Variants in CCDC88A observed in about 807,000 individuals in gnomAD.
CCDC88A encodes girdin.
A neutral mutation model predicts 234.3 loss-of-function variants in CCDC88A; 54 were observed. The ratio of observed to expected loss-of-function variants is 0.23; its 90% CI spans 0.19 to 0.29. CCDC88A has a LOEUF of 0.29. Ranked by LOEUF, CCDC88A falls within the 10% of genes least tolerant of loss-of-function variation. The probability of loss-of-function intolerance (pLI) is 1.00; values close to 1 mark genes in which losing one functional copy is unlikely to be tolerated. For missense variants in CCDC88A, 1,832 were observed against 2,123.4 expected, an observed-to-expected ratio of 0.86 and a Z score of 2.70; for synonymous variants, 753 against 737.8, an observed-to-expected ratio of 1.02 and a Z score of -0.33.
intron 2 of CCDC88A, among the ~76,000 whole-genome samples, chr2:55,408,348 G>A (rs1003011292): frequency 6.6e-6 from 1 of 152,016 alleles, no homozygotes; most frequent in African/African-American, 2.4e-5. Context: ...TCTCGAATAG[G>A]GGCTAGGTAA....
intron 9 of CCDC88A, 150 bp downstream of exon 9, chr2:55,349,368 G>A (rs1239496909): frequency 6.6e-6 from 4 of 604,454 alleles, no homozygotes; most frequent in East Asian, 3.0e-5. Flanking sequence ...TTTGAAGAGA[G>A]AGACTCTGAA....
At chr2:55,371,774 C>A (rs1035631431) in intron 5 of CCDC88A, among the ~76,000 whole-genome samples, 4 of 101,702 alleles carry the variant, frequency 3.9e-5, no homozygotes, top group Non-Finnish European at 8.5e-5. Flanking sequence ...GCATGAGCCA[C>A]CACGCCTAGC....
chr2:55,348,207 C>T (rs548342370), intron 9 of CCDC88A, among the ~76,000 whole-genome samples: 3 of 152,286 alleles, frequency 2.0e-5, no homozygotes, highest in African/African-American at 7.2e-5. Context: ...TCAAGCAACC[C>T]ACCTGCCTTG....
At chr2:55,323,143 A>T (rs1024854157) in intron 17 of CCDC88A, 1 of 152,296 alleles carries the variant, frequency 6.6e-6, no homozygotes, top group African/African-American at 2.4e-5. Context: ...CACACTAGAA[A>T]ATCCTGGATA....
chr2:55,366,966 C>G (rs1192009706), intron 5 of CCDC88A, among the ~76,000 whole-genome samples: 1 of 152,082 alleles, frequency 6.6e-6, no homozygotes, highest in Admixed American at 6.6e-5. Context: ...ATGTTCATAG[C>G]AACATTGTTT....
intron 2 of CCDC88A, among the ~76,000 whole-genome samples, chr2:55,413,477 G>T (rs1680833585): frequency 6.6e-6 from 1 of 152,138 alleles, no homozygotes; most frequent in South Asian, 2.1e-4. Context: ...CCAATAAGTA[G>T]CACAGCTAGA....
intron 19 of CCDC88A, among the ~76,000 whole-genome samples, chr2:55,318,457 G>A (rs756705632): frequency 5.3e-5 from 8 of 152,062 alleles, no homozygotes; most frequent in Admixed American, 3.9e-4. Flanking sequence ...TTGAACTTAG[G>A]AGAGGTCTAA....
At chr2:55,377,098 C>T (rs1396229070) in intron 3 of CCDC88A, among the ~76,000 whole-genome samples, 1 of 151,816 alleles carries the variant, frequency 6.6e-6, no homozygotes, top group Non-Finnish European at 1.5e-5. Flanking sequence ...TCCCAAAGTG[C>T]TGGGATTACA....
In CCDC88A at chr2:55,287,926, G is replaced by GAAAC. The variant is rs1322052407; in HGVS notation, c.*3270_*3273dup. The GAAAC allele has an allele frequency of 6.6e-6, 1 of 152,452 alleles. No individual in the cohort carries two copies. Among genetic ancestry groups the GAAAC allele is most frequent in the East Asian group, 1.9e-4 (1 of 5,196 alleles). The allele number at this position is 152,452 out of a possible 1,614,324, so 9.4% of individuals were successfully genotyped here. A position where few individuals can be genotyped will look rare whatever the true frequency, so the allele number is the denominator to read the frequency against. ...TTAGTCCAACTTAATTTTTGAAGGA[G>GAAAC]AAACAAAATGAAAAATGTTTTTTAA... On this transcript the variant is annotated 3_prime_UTR_variant, in exon 33 of 33. Transcript: ENST00000436346.
At chr2:55,307,208 C>G (rs556583366) in intron 25 of CCDC88A, among the ~76,000 whole-genome samples, 8 of 152,136 alleles carry the variant, frequency 5.3e-5, no homozygotes, top group Admixed American at 3.9e-4. Flanking sequence ...AATATACTTC[C>G]AAAGCTTTTA....
intron 2 of CCDC88A, among the ~76,000 whole-genome samples, chr2:55,415,211 T>A (rs1177342803): frequency 6.6e-6 from 1 of 152,006 alleles, no homozygotes; most frequent in Admixed American, 6.5e-5. Context: ...ACTACTCAGA[T>A]GTTTAGGGTG....
At chr2:55,349,651 C>A (rs754192735) in intron 8 of CCDC88A, 52 bp from the exon 9 acceptor site, 2 of 1,217,424 alleles carry the variant, frequency 1.6e-6, no homozygotes, top group Admixed American at 1.8e-5. Flanking sequence ...AAACTGTGAT[C>A]ATCATCTGCG....
chr2:55,344,271 C>T (rs1406266954), intron 11 of CCDC88A, 97 bp downstream of exon 11: 1 of 775,688 alleles, frequency 1.3e-6, no homozygotes, highest in East Asian at 2.8e-5. Context: ...GTTAAAGCCT[C>T]AAGGACACTA....
Position 55,294,263 on chromosome 2 carries a change from T to C in CCDC88A, c.5551+1334A>G, listed in dbSNP as rs139339848. The C allele has an allele frequency of 1.0e-3, 991 of 954,102 alleles. 10 individuals are homozygous for C. In the African/African-American group the frequency reaches 0.017, roughly 16 times the overall value. 59.1% of individuals were successfully genotyped at this position (954,102 alleles called of 1,614,324 possible). On this transcript the variant is annotated intron_variant, in intron 31 of 32. Coordinates refer to ENST00000436346, the MANE Select transcript of CCDC88A (RefSeq NM_001365480.1). ...TAACTGATTTCAAGTATAGAAGCCA[T>C]CTTGAAGAAAAGACAGTTACTTGAG...
intron 11 of CCDC88A, chr2:55,344,048 C>T (rs1668811628): frequency 2.7e-6 from 1 of 374,984 alleles, no homozygotes; most frequent in East Asian, 4.3e-5. Flanking sequence ...TTTAGTGATA[C>T]AACAAAAGAA....
At position 55,391,216 on chromosome 2, in the gene CCDC88A, C is replaced by A. The variant is rs191323599; in HGVS notation, c.165-2330G>T. 2.3e-3 allele frequency among the ~76,000 whole-genome samples: 352 copies of A among 152,226 alleles called. 2 individuals are homozygous for A. Among genetic ancestry groups the A allele is most frequent in the Admixed American group, 4.4e-3 (67 of 15,266 alleles). ...GAAGAGTCATGTGTTAGAAGGAGGA[C>A]TAAATCAGCAGCTGAGTAAAAGCTA... On this transcript the variant is annotated intron_variant, in intron 2 of 32. Transcript: ENST00000436346.
At chr2:55,354,500 G>C (rs1251781691) in intron 8 of CCDC88A, among the ~76,000 whole-genome samples, 1 of 151,980 alleles carries the variant, frequency 6.6e-6, no homozygotes, top group Non-Finnish European at 1.5e-5. Context: ...GTAACGTTTA[G>C]TTTAAAACAT....
chr2:55,395,476 C>G (rs1246928663), intron 2 of CCDC88A, among the ~76,000 whole-genome samples: 1 of 152,202 alleles, frequency 6.6e-6, no homozygotes, highest in Non-Finnish European at 1.5e-5. Flanking sequence ...TTGACTCCCA[C>G]TTTCTCACTA....
intron 7 of CCDC88A, among the ~76,000 whole-genome samples, chr2:55,360,867 T>G (rs1671205441): frequency 6.6e-6 from 1 of 152,150 alleles, no homozygotes; most frequent in African/African-American, 2.4e-5. Flanking sequence ...GAGGGAAGAT[T>G]ACCTGAGGTC....
Sources: allele counts gnomAD v4.1 joint callset (sites outside exome capture counted in the v4.1 genomes callset), GRCh38; gene constraint gnomAD v4.1.1; transcripts MANE v1.5; gene names NCBI Gene and HGNC (gene_info 2026-07-23, HGNC 2026-07-21).